Variants in SGCG observed in about 807,000 individuals in gnomAD.
The protein encoded by SGCG is sarcoglycan gamma.
SGCG carries 26 observed loss-of-function variants against 29.3 expected under a neutral mutation model. That is an observed-to-expected ratio of 0.89 (90% CI 0.65 to 1.23). SGCG has a LOEUF of 1.23. SGCG is among the 50% of genes most tolerant of loss of function. The probability of loss-of-function intolerance (pLI) is 0.00; values close to 1 mark genes in which losing one functional copy is unlikely to be tolerated. For missense variants in SGCG, 353 were observed against 356.0 expected (o/e 0.99, Z 0.07); for synonymous variants, 145 against 129.7 (o/e 1.12, Z -0.80).
At chr13:23,269,334 C>T (rs1377366006) in intron 4 of SGCG, among the ~76,000 whole-genome samples, 1 of 152,318 alleles carries the variant, frequency 6.6e-6, no homozygotes, top group Non-Finnish European at 1.5e-5. Flanking sequence ...CAGGATAACA[C>T]AGTGGCTATT....
chr13:23,283,189 A>T lies in SGCG; in HGVS notation c.505+3711A>T, dbSNP rs550404437. Among the ~76,000 whole-genome samples the T allele has an allele frequency of 3.4e-3, 521 of 152,252 alleles. 1 individual carries two copies. The highest frequency in any genetic ancestry group is 5.5e-3 in the Non-Finnish European group (374 of 68,016). ...AATATCCTTGTTAATTTTCTGTCTC[A>T]TTAATGTGTCTAATATTGACAGTGG... On this transcript the variant is annotated intron_variant, in intron 5 of 7. Coordinates refer to ENST00000218867, the MANE Select transcript of SGCG (RefSeq NM_000231.3).
chr13:23,290,813 T>C (rs61245781), intron 5 of SGCG, among the ~76,000 whole-genome samples: 1,914 of 152,260 alleles, frequency 0.013, 24 homozygotes, highest in African/African-American at 0.033. Context: ...AACAGAAGTA[T>C]TAATATTGAA....
intron 2 of SGCG, among the ~76,000 whole-genome samples, chr13:23,214,815 ATTAT>A (rs1242513356): frequency 3.5e-4 from 54 of 152,314 alleles, no homozygotes; most frequent in African/African-American, 1.3e-3. Context: ...ATTTTCTCAA[ATTAT>A]TTATGTCTTT....
intron 5 of SGCG, among the ~76,000 whole-genome samples, chr13:23,280,141 C>T (rs551830373): frequency 6.6e-6 from 1 of 152,078 alleles, no homozygotes; most frequent in Admixed American, 6.5e-5. Context: ...ACATCATGTA[C>T]TTGAATTACT....
intron 7 of SGCG, among the ~76,000 whole-genome samples, chr13:23,322,025 A>G (rs569365157): frequency 6.6e-5 from 10 of 152,344 alleles, no homozygotes; most frequent in African/African-American, 2.4e-4. Context: ...TTCCAATTGT[A>G]TGATGCCATA....
At chr13:23,319,167 G>A (rs1036880059) in intron 6 of SGCG, among the ~76,000 whole-genome samples, 1 of 151,982 alleles carries the variant, frequency 6.6e-6, no homozygotes, top group Non-Finnish European at 1.5e-5. Context: ...ACACGGTGGC[G>A]GGTGCCTGTA....
intron 1 of SGCG, among the ~76,000 whole-genome samples, chr13:23,194,724 A>G (rs1370641089): frequency 6.6e-6 from 1 of 152,226 alleles, no homozygotes; most frequent in Non-Finnish European, 1.5e-5. Context: ...ATTGGTCAGC[A>G]TGTACCACAT....
chr13:23,269,066 G>A (rs1880756723), intron 4 of SGCG: 1 of 152,108 alleles, frequency 6.6e-6, no homozygotes, highest in Non-Finnish European at 1.5e-5. Flanking sequence ...TAGCCAGAAT[G>A]TCCAGTCAAA....
chr13:23,224,680 A>ACACACACACACACACACCCC (rs1433903594), intron 2 of SGCG, among the ~76,000 whole-genome samples: 1 of 150,544 alleles, frequency 6.6e-6, no homozygotes, highest in Admixed American at 6.6e-5. Context: ...ACACACACAC[A>ACACACACACACACACACCCC]CCCCACACCA....
chr13:23,286,069 C>G (rs895043354), intron 5 of SGCG, among the ~76,000 whole-genome samples: 1 of 152,180 alleles, frequency 6.6e-6, no homozygotes, highest in Non-Finnish European at 1.5e-5. Flanking sequence ...TCTTGCCAGA[C>G]ACCACCAACC....
chr13:23,195,473 T>C, intron 1 of SGCG, among the ~76,000 whole-genome samples: 1 of 152,170 alleles, frequency 6.6e-6, no homozygotes, highest in South Asian at 2.1e-4. Flanking sequence ...TTTTAGTCAC[T>C]TGCTCGTTTA....
intron 1 of SGCG, among the ~76,000 whole-genome samples, chr13:23,200,751 C>G (rs559747723): frequency 6.6e-6 from 1 of 152,094 alleles, no homozygotes; most frequent in East Asian, 1.9e-4. Context: ...TCAGGAAGAT[C>G]GTTGATAAGC....
chr13:23,229,118 C>T (rs931936377), intron 2 of SGCG, among the ~76,000 whole-genome samples: 3 of 152,172 alleles, frequency 2.0e-5, no homozygotes, highest in African/African-American at 7.2e-5. Flanking sequence ...GATCCACCTG[C>T]GTTGGCCTCC....
At chr13:23,245,246 C>T (rs1879661753) in intron 3 of SGCG, 1 of 152,166 alleles carries the variant, frequency 6.6e-6, no homozygotes, top group South Asian at 2.1e-4. Context: ...AGGGCATCTA[C>T]AGCCTTAAAA....
rs1566037440 is a variant in SGCG, at chr13:23,299,437, TATATATA to T, written c.578+3951_578+3957del. Among the ~76,000 whole-genome samples, 133 of 19,570 alleles carry T rather than the reference TATATATA, an allele frequency of 6.8e-3. 7 individuals are homozygous for T. Among genetic ancestry groups the T allele is most frequent in the African/African-American group, 0.016 (121 of 7,526 alleles). The allele number at this position is 19,570 out of a possible 152,430, so 12.8% of individuals were successfully genotyped here. ...ATATATATATATATATATATATATATATATATATATATATATATATTTTTTTTTTTTT... is the reference window on the plus strand; with the variant it reads ...ATATATATATATATATATATATATATTATATATATATATTTTTTTTTTTTT... On this transcript the variant is annotated intron_variant, in intron 6 of 7. Coordinates refer to ENST00000218867, the MANE Select transcript of SGCG (RefSeq NM_000231.3).
At chr13:23,297,763 G>A (rs1018940123) in intron 6 of SGCG, among the ~76,000 whole-genome samples, 1 of 152,054 alleles carries the variant, frequency 6.6e-6, no homozygotes, top group Non-Finnish European at 1.5e-5. Context: ...AGATTTTGGG[G>A]GGCCTGTTCC....
chr13:23,225,983 A>G (rs1390596109), intron 2 of SGCG, among the ~76,000 whole-genome samples: 1 of 151,862 alleles, frequency 6.6e-6, no homozygotes, highest in Non-Finnish European at 1.5e-5. Flanking sequence ...TTGTTCATTC[A>G]TTTACTTATT....
Position 23,194,532 on chromosome 13 carries a change from C to G in SGCG, c.1-9163C>G, listed in dbSNP as rs73437069. 7.0e-3 allele frequency among the ~76,000 whole-genome samples: 1,073 copies of G among 152,354 alleles called. 17 individuals carry two copies. Among genetic ancestry groups the G allele is most frequent in the African/African-American group, 0.024 (989 of 41,590 alleles). ...TTCCTGATTTCTTCTCTGGCAAGCT[C>G]TCTCCAAGTGGCGGAGGGATGAATG... On this transcript the variant is annotated intron_variant, in intron 1 of 7. Coordinates refer to ENST00000218867, the MANE Select transcript of SGCG (RefSeq NM_000231.3).
chr13:23,299,115 T>C (rs1340372747), intron 6 of SGCG, among the ~76,000 whole-genome samples: 1 of 152,014 alleles, frequency 6.6e-6, no homozygotes, highest in East Asian at 1.9e-4. Flanking sequence ...CAGATCTAGA[T>C]AGTTCCATGT....
Sources: gnomAD v4.1 joint callset for allele counts (sites outside exome capture counted in the v4.1 genomes callset) on GRCh38, gnomAD v4.1.1 for gene constraint, MANE v1.5 for transcripts, NCBI Gene and HGNC (gene_info 2026-07-23, HGNC 2026-07-21) for gene names.